CDH4: variants seen among roughly 807,000 people sequenced by gnomAD.
CDH4 encodes the protein cadherin 4.
In CDH4, 33 loss-of-function variants were observed where a neutral mutation model predicts 86.0. That is an observed-to-expected ratio of 0.38 (90% CI 0.29 to 0.51). The LOEUF (loss-of-function observed/expected upper bound fraction) is 0.51. Among genes scored for constraint, CDH4 ranks in the 20% least tolerant of loss-of-function variants. The pLI, the probability that CDH4 is intolerant of heterozygous loss-of-function variation, is 0.86. For missense variants in CDH4, 1,114 were observed against 1,307.4 expected (o/e 0.85, Z 2.28); for synonymous variants, 555 against 549.4 (o/e 1.01, Z -0.14).
At chr20:61,760,616 G>C (rs2088622838) in intron 3 of CDH4, among the ~76,000 whole-genome samples, 1 of 152,136 alleles carries the variant, frequency 6.6e-6, no homozygotes, top group African/African-American at 2.4e-5. Flanking sequence ...CCCAGACCTC[G>C]GTGCACCGAC....
At chr20:61,489,222 C>T in intron 2 of CDH4, among the ~76,000 whole-genome samples, 1 of 152,166 alleles carries the variant, frequency 6.6e-6, no homozygotes, top group East Asian at 1.9e-4. Context: ...TGCTTGACAG[C>T]CATTATTCTG....
chr20:61,688,553 G>A (rs749087262), intron 2 of CDH4, among the ~76,000 whole-genome samples: 7 of 152,190 alleles, frequency 4.6e-5, no homozygotes, highest in Non-Finnish European at 1.0e-4. Context: ...CTTCTCGGCC[G>A]CCTTCCGGAA....
At chr20:61,586,754 A>G (rs888426262) in intron 2 of CDH4, among the ~76,000 whole-genome samples, 2 of 152,214 alleles carry the variant, frequency 1.3e-5, no homozygotes, top group Admixed American at 1.3e-4. Flanking sequence ...CTCAATCACC[A>G]TCCTGTTTGC....
chr20:61,621,371 A>G (rs1219789461), intron 2 of CDH4, among the ~76,000 whole-genome samples: 2 of 152,224 alleles, frequency 1.3e-5, no homozygotes, highest in African/African-American at 4.8e-5. Context: ...ATGAAAGTTC[A>G]TTAGTCTATT....
At chr20:61,743,541 C>T (rs1321327826) in intron 2 of CDH4, 22 bp from the exon 3 acceptor site, 3 of 1,545,738 alleles carry the variant, frequency 1.9e-6, no homozygotes, top group Non-Finnish European at 1.8e-6. Context: ...CCGACCCTGA[C>T]TCTCTCCCCC....
At chr20:61,643,851 C>T (rs2087035491) in intron 2 of CDH4, among the ~76,000 whole-genome samples, 2 of 152,246 alleles carry the variant, frequency 1.3e-5, no homozygotes, top group Non-Finnish European at 1.5e-5. Flanking sequence ...ACTGGGGCAT[C>T]CCCAGTAGGC....
At chr20:61,881,338 G>A (rs1378737748) in intron 7 of CDH4, among the ~76,000 whole-genome samples, 2 of 152,222 alleles carry the variant, frequency 1.3e-5, no homozygotes, top group African/African-American at 4.8e-5. Context: ...TTCCAGCGGT[G>A]GCATTTCGTA....
At position 61,326,353 on chromosome 20, in the gene CDH4, G is replaced by GA. The variant is rs555379345; in HGVS notation, c.169+71423dup. Among the ~76,000 whole-genome samples the GA allele has an allele frequency of 6.5e-4, 99 of 152,174 alleles. 1 individual carries two copies. Among genetic ancestry groups the GA allele is most frequent in the African/African-American group, 1.7e-3 (69 of 41,526 alleles). ...ATAAGCATAAGAGGAAAATTGCTGAGAAAAAAATGTTATTTTATGAAATAC... is the reference window on the plus strand; with the variant it reads ...ATAAGCATAAGAGGAAAATTGCTGAGAAAAAAAATGTTATTTTATGAAATAC... On this transcript the variant is annotated intron_variant, in intron 2 of 15. Transcript: ENST00000614565.
chr20:61,843,306 C>T (rs918274941), intron 4 of CDH4, among the ~76,000 whole-genome samples: 13 of 151,318 alleles, frequency 8.6e-5, no homozygotes, highest in African/African-American at 2.4e-4. Flanking sequence ...AAAAATTAGC[C>T]GGGCGCGGTG....
chr20:61,544,731 G>C lies in CDH4; in HGVS notation c.170-198832G>C, dbSNP rs148838987. On this transcript the variant is annotated intron_variant, in intron 2 of 15. Coordinates refer to ENST00000614565, the MANE Select transcript of CDH4 (RefSeq NM_001794.5). This position sits in a 1 kb window ranked among gnomAD's most constrained non-coding sequence, Gnocchi z 6.5. ...GTTTGGGATAATTTTGGTGGAGAAA[G>C]TTGTAAAACCACCTGAATGAATTGG... is the stretch of plus-strand genomic sequence containing the variant. 1.3e-5 allele frequency among the ~76,000 whole-genome samples: 2 copies of C among 152,106 alleles called. No individual in the cohort carries two copies. The highest frequency in any genetic ancestry group is 2.4e-5 in the African/African-American group (1 of 41,414).
chr20:61,585,915 C>A (rs191656197), intron 2 of CDH4, among the ~76,000 whole-genome samples: 2 of 134,590 alleles, frequency 1.5e-5, no homozygotes, highest in Non-Finnish European at 3.1e-5. Context: ...TGTGGTGATG[C>A]GGAGGATGAT....
intron 2 of CDH4, among the ~76,000 whole-genome samples, chr20:61,678,260 A>G (rs547407011): frequency 6.6e-6 from 1 of 152,262 alleles, no homozygotes; most frequent in Admixed American, 6.5e-5. Flanking sequence ...TAGATGGATG[A>G]TAGATGATAG....
chr20:61,685,909 G>A (rs6061733), intron 2 of CDH4, among the ~76,000 whole-genome samples: 26,852 of 152,242 alleles, frequency 0.18, 2,762 homozygotes, highest in East Asian at 0.36. Flanking sequence ...ACACCATTTA[G>A]CATTCCAGAT....
rs1287892136 is a variant in CDH4, at chr20:61,275,946, A to T, written c.169+21009A>T. On this transcript the variant is annotated intron_variant, in intron 2 of 15. Transcript: ENST00000614565. ...TTTGATTTTTGATGTAAGGAAAAGGATTAGTGTGGCTGGATTTTGATAAGG... is the reference window on the plus strand; with the variant it reads ...TTTGATTTTTGATGTAAGGAAAAGGTTTAGTGTGGCTGGATTTTGATAAGG... Among the ~76,000 whole-genome samples, 3 of 152,278 alleles carry T rather than the reference A, an allele frequency of 2.0e-5. No individual in the cohort carries two copies. The East Asian group carries it at 5.8e-4, about 29-fold the overall frequency.
intron 2 of CDH4, among the ~76,000 whole-genome samples, chr20:61,298,205 C>G (rs1001263440): frequency 6.6e-6 from 1 of 152,172 alleles, no homozygotes; most frequent in African/African-American, 2.4e-5. Context: ...GCTGCCTAAC[C>G]GTGGACACCA....
At chr20:61,679,539 C>T (rs1488225213) in intron 2 of CDH4, among the ~76,000 whole-genome samples, 4 of 152,230 alleles carry the variant, frequency 2.6e-5, no homozygotes, top group Non-Finnish European at 4.4e-5. Flanking sequence ...TCCACCAACG[C>T]CAGTGCACAC....
intron 2 of CDH4, among the ~76,000 whole-genome samples, chr20:61,742,964 A>G (rs1479990702): frequency 6.6e-6 from 1 of 152,212 alleles, no homozygotes. Context: ...ACACCTGCCT[A>G]GCCCACCCCA....
chr20:61,696,750 C>T (rs1339362533), intron 2 of CDH4, among the ~76,000 whole-genome samples: 1 of 152,194 alleles, frequency 6.6e-6, no homozygotes, highest in Non-Finnish European at 1.5e-5. Context: ...GCCCCCAAAA[C>T]ATACATCCAT....
intron 2 of CDH4, among the ~76,000 whole-genome samples, chr20:61,481,918 G>A (rs533776035): frequency 2.6e-5 from 4 of 152,144 alleles, no homozygotes; most frequent in South Asian, 4.1e-4. Context: ...CATACATATC[G>A]ATGACTTTTC....
Sources: allele counts gnomAD v4.1 joint callset (sites outside exome capture counted in the v4.1 genomes callset), GRCh38; gene constraint gnomAD v4.1.1; non-coding constraint Gnocchi (gnomAD v3.1); transcripts MANE v1.5; gene names NCBI Gene and HGNC (gene_info 2026-07-23, HGNC 2026-07-21).